SYN3: variants seen among roughly 807,000 people sequenced by gnomAD.
The protein encoded by SYN3 is synapsin III.
In SYN3, 35 loss-of-function variants were observed where a neutral mutation model predicts 65.8. The observed-to-expected ratio is 0.53, with a 90% CI of 0.41 to 0.70. SYN3 has a LOEUF of 0.70. Among genes scored for constraint, SYN3 ranks in the 30% least tolerant of loss-of-function variants. SYN3 has a pLI of 0.00. For synonymous variants in SYN3, 270 were observed against 292.9 expected (o/e 0.92, Z 0.80); for missense variants, 680 against 749.0 (o/e 0.91, Z 1.08).
Position 32,799,958 on chromosome 22 carries a change from G to A in SYN3, c.711+64957C>T, listed in dbSNP as rs140495494. On this transcript the variant is annotated intron_variant, in intron 6 of 13. Transcript: ENST00000358763. ...CATCGAGAGACAGAAACATCTCTAC[G>A]AGTTAGGCCACAGTTAGAGTGAAGG... Among the ~76,000 whole-genome samples, 1,432 of 152,274 alleles carry A rather than the reference G, an allele frequency of 9.4e-3. 28 individuals are homozygous for A. The highest frequency in any genetic ancestry group is 0.032 in the African/African-American group (1,321 of 41,538).
intron 6 of SYN3, among the ~76,000 whole-genome samples, chr22:32,855,204 G>A (rs1005095316): frequency 6.6e-6 from 1 of 152,166 alleles, no homozygotes; most frequent in East Asian, 1.9e-4. Flanking sequence ...CACCGCCCCC[G>A]TTACCAAATC....
At chr22:32,879,756 G>C (rs988281517) in intron 4 of SYN3, among the ~76,000 whole-genome samples, 1 of 152,166 alleles carries the variant, frequency 6.6e-6, no homozygotes, top group Non-Finnish European at 1.5e-5. Flanking sequence ...CCGGTGTTAA[G>C]CACATAGTAG....
intron 6 of SYN3, among the ~76,000 whole-genome samples, chr22:32,678,145 C>T (rs1270223215): frequency 6.6e-6 from 1 of 152,112 alleles, no homozygotes; most frequent in Admixed American, 6.5e-5. Context: ...TGGGGAGATT[C>T]GTGGCTGAAT....
chr22:32,917,307 G>T (rs1286244955), intron 4 of SYN3, among the ~76,000 whole-genome samples: 1 of 152,118 alleles, frequency 6.6e-6, no homozygotes, highest in African/African-American at 2.4e-5. Flanking sequence ...CAGGTGGAAG[G>T]ATCGTGTGAT....
intron 6 of SYN3, among the ~76,000 whole-genome samples, chr22:32,815,443 T>C (rs1239216897): frequency 1.3e-5 from 2 of 152,186 alleles, no homozygotes; most frequent in African/African-American, 4.8e-5. Context: ...TATTTTAACA[T>C]TTATTGATTT....
chr22:32,749,900 T>C (rs2045061903), intron 6 of SYN3, among the ~76,000 whole-genome samples: 1 of 152,146 alleles, frequency 6.6e-6, no homozygotes, highest in Non-Finnish European at 1.5e-5. Flanking sequence ...CAGGGCTAGA[T>C]AGGGGTCTGT....
Position 32,537,093 on chromosome 22 carries a change from G to A in SYN3, c.992+943C>T, listed in dbSNP as rs2858348. Among the ~76,000 whole-genome samples the A allele has an allele frequency of 5.7e-3, 873 of 152,256 alleles. 10 individuals are homozygous for A. Among genetic ancestry groups the A allele is most frequent in the African/African-American group, 0.02 (841 of 41,548 alleles). ...TGTGTGGCTGCTAGCAGAGGTCACA[G>A]GGCATGCAGGCAAGAAGGTATGTAT... On this transcript the variant is annotated intron_variant, in intron 9 of 13. Coordinates refer to ENST00000358763, the MANE Select transcript of SYN3 (RefSeq NM_003490.4).
intron 10 of SYN3, among the ~76,000 whole-genome samples, chr22:32,531,905 C>CTTTTTTT (rs5845007): frequency 6.1e-5 from 7 of 115,446 alleles, no homozygotes; most frequent in Admixed American, 9.2e-5. Context: ...ACTACTTTTA[C>CTTTTTTT]TTTTTTTTTT....
At chr22:32,679,110 T>C (rs1413552609) in intron 6 of SYN3, among the ~76,000 whole-genome samples, 1 of 139,648 alleles carries the variant, frequency 7.2e-6, no homozygotes, top group Non-Finnish European at 1.5e-5. Flanking sequence ...TGGAGTGCAG[T>C]GGTGCGATCT....
At chr22:32,763,151 GTT>G in intron 6 of SYN3, among the ~76,000 whole-genome samples, 1 of 150,464 alleles carries the variant, frequency 6.6e-6, no homozygotes, top group Non-Finnish European at 1.5e-5. Context: ...TTTTGTTGTT[GTT>G]GTTTTTTTTT....
intron 7 of SYN3, among the ~76,000 whole-genome samples, chr22:32,559,081 A>G (rs1271137464): frequency 1.3e-5 from 2 of 152,250 alleles, no homozygotes; most frequent in African/African-American, 4.8e-5. Flanking sequence ...AGTCTTCATA[A>G]CAATCCTATG....
At chr22:32,880,737 C>G (rs1473508831) in intron 4 of SYN3, among the ~76,000 whole-genome samples, 2 of 152,204 alleles carry the variant, frequency 1.3e-5, no homozygotes, top group African/African-American at 4.8e-5. Context: ...ATGAGGATAA[C>G]TGAAACCTGG....
intron 6 of SYN3, among the ~76,000 whole-genome samples, chr22:32,702,635 T>G (rs1296341737): frequency 6.6e-6 from 1 of 152,248 alleles, no homozygotes; most frequent in Non-Finnish European, 1.5e-5. Flanking sequence ...ACCTTTAGCA[T>G]TTGACATTTA....
At chr22:32,582,783 T>C (rs2058968204) in intron 7 of SYN3, among the ~76,000 whole-genome samples, 2 of 152,194 alleles carry the variant, frequency 1.3e-5, no homozygotes, top group African/African-American at 4.8e-5. Flanking sequence ...CAGGACCGTC[T>C]GACTTCAGGG....
chr22:32,683,595 C>T (rs1355049694), intron 6 of SYN3, among the ~76,000 whole-genome samples: 1 of 152,158 alleles, frequency 6.6e-6, no homozygotes, highest in Non-Finnish European at 1.5e-5. Flanking sequence ...TGGCTTACAG[C>T]TGTGTCACTC....
At chr22:32,907,856 G>T (rs1396538242) in intron 4 of SYN3, among the ~76,000 whole-genome samples, 1 of 152,080 alleles carries the variant, frequency 6.6e-6, no homozygotes, top group East Asian at 1.9e-4. Flanking sequence ...GGTAACTAAC[G>T]ATTATAGAGG....
chr22:33,018,476 A>G (rs920570519), intron 1 of SYN3, among the ~76,000 whole-genome samples: 1 of 152,152 alleles, frequency 6.6e-6, no homozygotes, highest in Admixed American at 6.6e-5. Context: ...AGAAAAAGAG[A>G]CTTTATAAGG....
At chr22:32,832,581 C>T (rs1450880299) in intron 6 of SYN3, among the ~76,000 whole-genome samples, 2 of 150,958 alleles carry the variant, frequency 1.3e-5, no homozygotes, top group Non-Finnish European at 2.9e-5. Flanking sequence ...ACTTGGCCAC[C>T]CAGATGAGTA....
At chr22:32,710,111 A>ATCTG (rs71320949) in intron 6 of SYN3, among the ~76,000 whole-genome samples, 1 of 135,218 alleles carries the variant, frequency 7.4e-6, no homozygotes, top group African/African-American at 2.8e-5. Flanking sequence ...GTGTGTGTGT[A>ATCTG]TGTGTGTGTG....
Sources: allele counts gnomAD v4.1 joint callset (sites outside exome capture counted in the v4.1 genomes callset), GRCh38; gene constraint gnomAD v4.1.1; transcripts MANE v1.5; gene names NCBI Gene and HGNC (gene_info 2026-07-23, HGNC 2026-07-21).